Variants in DGKB observed in about 807,000 individuals in gnomAD.
DGKB encodes diacylglycerol kinase beta.
A neutral mutation model predicts 114.3 loss-of-function variants in DGKB; 67 were observed. The observed-to-expected ratio is 0.59, with a 90% CI of 0.48 to 0.72. The LOEUF (loss-of-function observed/expected upper bound fraction) is 0.72. Among genes scored for constraint, DGKB ranks in the 30% least tolerant of loss-of-function variants. The probability of loss-of-function intolerance (pLI) is 0.00; values close to 1 mark genes in which losing one functional copy is unlikely to be tolerated. For missense variants in DGKB, 907 were observed against 975.2 expected (o/e 0.93, Z 0.93); for synonymous variants, 398 against 323.1 (o/e 1.23, Z -2.49).
intron 23 of DGKB, among the ~76,000 whole-genome samples, chr7:14,296,814 C>T (rs1188596971): frequency 1.5e-5 from 2 of 132,416 alleles, no homozygotes; most frequent in Non-Finnish European, 3.1e-5. Context: ...ACTAGCCAGG[C>T]TAATAAAGAA....
intron 2 of DGKB, among the ~76,000 whole-genome samples, chr7:14,830,087 G>C (rs1269389778): frequency 6.6e-6 from 1 of 152,020 alleles, no homozygotes; most frequent in Admixed American, 6.6e-5. Flanking sequence ...ATGGGGAGGA[G>C]AGTGGAAAGT....
At chr7:14,368,070 T>C (rs1816990613) in intron 21 of DGKB, among the ~76,000 whole-genome samples, 1 of 152,244 alleles carries the variant, frequency 6.6e-6, no homozygotes, top group South Asian at 2.1e-4. Flanking sequence ...TTCATTTTAT[T>C]TGGAGCAGTT....
intron 23 of DGKB, among the ~76,000 whole-genome samples, chr7:14,300,179 C>A (rs949773355): frequency 6.6e-6 from 1 of 152,082 alleles, no homozygotes; most frequent in South Asian, 2.1e-4. Context: ...TAAAGAGTTT[C>A]TTTAAAAATT....
At chr7:14,387,332 G>C (rs1337827865) in intron 21 of DGKB, among the ~76,000 whole-genome samples, 2 of 145,736 alleles carry the variant, frequency 1.4e-5, no homozygotes, top group Non-Finnish European at 3.0e-5. Flanking sequence ...AGAATTGCTT[G>C]AATCAGGGAG....
intron 23 of DGKB, among the ~76,000 whole-genome samples, chr7:14,216,725 CAAAAAAAAAAA>C (rs755191130): frequency 4.0e-5 from 2 of 50,352 alleles, no homozygotes; most frequent in African/African-American, 7.1e-5. Context: ...GACTCCGTCT[CAAAAAAAAAAA>C]AAAAAAAAAA....
At chr7:14,569,830 T>G (rs935930455) in intron 20 of DGKB, among the ~76,000 whole-genome samples, 25 of 151,938 alleles carry the variant, frequency 1.6e-4, no homozygotes, top group Admixed American at 6.6e-5. Context: ...AAATCTCATA[T>G]AAGAATAGAA....
chr7:14,245,137 GTA>G (rs1794281349), intron 23 of DGKB, among the ~76,000 whole-genome samples: 2 of 151,834 alleles, frequency 1.3e-5, no homozygotes, highest in African/African-American at 4.8e-5. Context: ...CAGATTTACT[GTA>G]TATTAGGGAA....
chr7:14,960,323 A>AT (rs1350183348), intron 1 of DGKB, among the ~76,000 whole-genome samples: 8 of 152,042 alleles, frequency 5.3e-5, no homozygotes, highest in Non-Finnish European at 1.0e-4. Context: ...CAAAATCTGA[A>AT]TTTTTTATAC....
chr7:14,754,334 A>G (rs1308527369), intron 3 of DGKB, among the ~76,000 whole-genome samples: 2 of 152,184 alleles, frequency 1.3e-5, no homozygotes, highest in African/African-American at 4.8e-5. Context: ...ATAATATGTA[A>G]CACATACAGT....
At chr7:14,596,098 A>G (rs2128753176) in intron 17 of DGKB, among the ~76,000 whole-genome samples, 1 of 152,276 alleles carries the variant, frequency 6.6e-6, no homozygotes, top group South Asian at 2.1e-4. Flanking sequence ...TATTTCATAG[A>G]GATTTATAAA....
At chr7:14,799,226 C>T (rs978699527) in intron 2 of DGKB, among the ~76,000 whole-genome samples, 1 of 152,164 alleles carries the variant, frequency 6.6e-6, no homozygotes, top group African/African-American at 2.4e-5. Flanking sequence ...TTTCTCCATC[C>T]CTGTCCATAA....
chr7:14,949,662 A>C (rs1786068311), intron 1 of DGKB, among the ~76,000 whole-genome samples: 1 of 151,916 alleles, frequency 6.6e-6, no homozygotes, highest in Non-Finnish European at 1.5e-5. Context: ...AGGTACAACA[A>C]ACTCCAAATA....
chr7:14,512,330 C>A (rs867283928), intron 20 of DGKB, among the ~76,000 whole-genome samples: 18 of 152,126 alleles, frequency 1.2e-4, no homozygotes, highest in South Asian at 2.1e-4. Flanking sequence ...TATTGGGTTT[C>A]ATTTGATTAC....
intron 23 of DGKB, among the ~76,000 whole-genome samples, chr7:14,192,899 G>A (rs1424070097): frequency 6.6e-6 from 1 of 151,804 alleles, no homozygotes; most frequent in Admixed American, 6.6e-5. Context: ...AGATCATCAG[G>A]TGTTAGATTC....
rs1363344068 is a variant in DGKB at position 14,832,003 on chromosome 7, G to A, written c.70+9191C>T. Among the ~76,000 whole-genome samples, 6 of 151,866 alleles carry A rather than the reference G, an allele frequency of 4.0e-5. No homozygotes were observed. In the East Asian group the frequency reaches 1.2e-3, roughly 29 times the overall value. On this transcript the variant is annotated intron_variant, in intron 2 of 25. Transcript: ENST00000402815. ...AACTATAGAAAAAGAAAAGATAGTAGAACAATAACTCAGTACATCCTAATA... is the reference window on the plus strand; with the variant it reads ...AACTATAGAAAAAGAAAAGATAGTAAAACAATAACTCAGTACATCCTAATA...
chr7:14,969,660 C>T (rs1043061843), intron 1 of DGKB, among the ~76,000 whole-genome samples: 2 of 152,076 alleles, frequency 1.3e-5, no homozygotes, highest in African/African-American at 4.8e-5. Flanking sequence ...AGTCTAATGC[C>T]TGATGATCCC....
intron 1 of DGKB, among the ~76,000 whole-genome samples, chr7:14,955,663 A>T (rs1195684944): frequency 4.6e-5 from 7 of 152,082 alleles, no homozygotes; most frequent in Non-Finnish European, 1.0e-4. Context: ...AATAGAAAGA[A>T]ATGCTTGAAA....
In DGKB at chr7:14,936,786, C is replaced by T. The variant is rs184800097; in HGVS notation, c.-188+37910G>A. ...GTTGTTTCTCAGGCTTCCAAGTTTC[C>T]AGGCCAATAAAACTTGCCTTTCTAG... On this transcript the variant is annotated intron_variant, in intron 1 of 4. Transcript: ENST00000437998. 8.5e-5 allele frequency among the ~76,000 whole-genome samples: 13 copies of T among 152,122 alleles called. No homozygotes were observed. In the East Asian group the frequency reaches 2.3e-3, roughly 27 times the overall value.
At chr7:14,173,305 T>G (rs891595093) in intron 25 of DGKB, among the ~76,000 whole-genome samples, 1 of 152,200 alleles carries the variant, frequency 6.6e-6, no homozygotes, top group Non-Finnish European at 1.5e-5. Context: ...CTTACATTAA[T>G]TTTTCTATTA....
Sources: gnomAD v4.1 joint callset for allele counts (sites outside exome capture counted in the v4.1 genomes callset) on GRCh38, gnomAD v4.1.1 for gene constraint, MANE v1.5 for transcripts, NCBI Gene and HGNC (gene_info 2026-07-23, HGNC 2026-07-21) for gene names.